Variants in TRPM3 observed in about 807,000 individuals in gnomAD.
The protein encoded by TRPM3 is long transient receptor potential channel 3.
TRPM3 carries 77 observed loss-of-function variants against 181.2 expected under a neutral mutation model. The ratio of observed to expected loss-of-function variants is 0.42; its 90% confidence interval spans 0.35 to 0.51. The LOEUF (loss-of-function observed/expected upper bound fraction) is 0.51, where lower values mean the gene tolerates loss of function less well. TRPM3 is among the 20% of genes least tolerant of loss of function. The pLI, the probability that TRPM3 is intolerant of heterozygous loss-of-function variation, is 0.01. For missense variants in TRPM3, 1,759 were observed against 2,196.7 expected (o/e 0.80, Z 3.98); for synonymous variants, 745 against 796.4 (o/e 0.94, Z 1.09).
chr9:71,150,763 A>C (rs2075692432), intron 1 of TRPM3, among the ~76,000 whole-genome samples: 1 of 152,152 alleles, frequency 6.6e-6, no homozygotes, highest in African/African-American at 2.4e-5. Context: ...GTTTATCTAA[A>C]TCACATGGAA....
chr9:70,616,182 G>T, intron 17 of TRPM3, 107 bp from the exon 18 acceptor site: 1 of 702,390 alleles, frequency 1.4e-6, no homozygotes, highest in Non-Finnish European at 2.2e-6. Flanking sequence ...GAGTGTATGC[G>T]TGTGTGTGTG....
intron 1 of TRPM3, among the ~76,000 whole-genome samples, chr9:71,156,328 C>T (rs2075996289): frequency 6.7e-6 from 1 of 150,264 alleles, no homozygotes; most frequent in Non-Finnish European, 1.5e-5. Flanking sequence ...AATTAGGATA[C>T]CACGAGCACC....
chr9:71,191,076 T>G (rs1272676935), intron 1 of TRPM3, among the ~76,000 whole-genome samples: 3 of 151,840 alleles, frequency 2.0e-5, no homozygotes, highest in Non-Finnish European at 2.9e-5. Context: ...AGCCATTGTC[T>G]TAGATTTAGA....
intron 1 of TRPM3, among the ~76,000 whole-genome samples, chr9:71,149,182 C>T (rs547979329): frequency 2.2e-4 from 33 of 152,092 alleles, no homozygotes; most frequent in Admixed American, 9.2e-4. Flanking sequence ...GGAAGATCAC[C>T]GTAGCCCAGG....
intron 1 of TRPM3, among the ~76,000 whole-genome samples, chr9:71,196,448 T>C (rs2078370255): frequency 6.6e-6 from 1 of 151,976 alleles, no homozygotes; most frequent in Non-Finnish European, 1.5e-5. Context: ...CTGGTCCCTG[T>C]CCATGTGCAT....
intron 6 of TRPM3, among the ~76,000 whole-genome samples, chr9:70,796,740 C>A (rs73461942): frequency 0.013 from 1,947 of 152,282 alleles, 50 homozygotes; most frequent in African/African-American, 0.045. Context: ...GATGTCTAGG[C>A]ATCTCTTTTC....
chr9:70,822,489 A>G (rs1483108680), intron 6 of TRPM3, among the ~76,000 whole-genome samples: 1 of 152,144 alleles, frequency 6.6e-6, no homozygotes. Flanking sequence ...GGTACCTAAA[A>G]TAGGCAAATG....
intron 1 of TRPM3, among the ~76,000 whole-genome samples, chr9:71,154,314 A>G (rs891965460): frequency 6.6e-6 from 1 of 152,146 alleles, no homozygotes; most frequent in African/African-American, 2.4e-5. Context: ...TAAACACCAA[A>G]ACATCACTCA....
chr9:71,125,210 TTTTAC>T (rs1291304834), upstream of TRPM3, among the ~76,000 whole-genome samples: 2 of 151,472 alleles, frequency 1.3e-5, no homozygotes, highest in African/African-American at 2.5e-5. Context: ...AAATATTTTA[TTTTAC>T]TTTAAGTTCC....
At chr9:70,678,005 T>G (rs1449187521) in intron 9 of TRPM3, among the ~76,000 whole-genome samples, 1 of 151,946 alleles carries the variant, frequency 6.6e-6, no homozygotes, top group Non-Finnish European at 1.5e-5. Context: ...GGGACATACT[T>G]ATGTTCAAAA....
At chr9:70,809,996 TC>T (rs1564397665) in intron 6 of TRPM3, 1 of 534,716 alleles carries the variant, frequency 1.9e-6, no homozygotes, top group South Asian at 1.4e-5. Context: ...CAATTGAACG[TC>T]CCTTTGCCTT....
At chr9:70,951,919 T>C (rs1394578079) in intron 1 of TRPM3, among the ~76,000 whole-genome samples, 1 of 152,230 alleles carries the variant, frequency 6.6e-6, no homozygotes, top group Non-Finnish European at 1.5e-5. Flanking sequence ...CAAGGCTGAC[T>C]CTGCCAACAA....
chr9:71,382,619 G>T (rs2092827641), intron 1 of TRPM3, among the ~76,000 whole-genome samples: 1 of 151,660 alleles, frequency 6.6e-6, no homozygotes, highest in South Asian at 2.1e-4. Flanking sequence ...CCTCATATAA[G>T]TGGCATTCTT....
intron 1 of TRPM3, among the ~76,000 whole-genome samples, chr9:70,923,832 A>G (rs201848018): frequency 7.5e-6 from 1 of 133,598 alleles, no homozygotes; most frequent in African/African-American, 2.7e-5. Flanking sequence ...CTCTCTCTAT[A>G]TATATATATA....
At chr9:71,387,150 A>G (rs1049964074) in intron 1 of TRPM3, among the ~76,000 whole-genome samples, 1 of 152,204 alleles carries the variant, frequency 6.6e-6, no homozygotes, top group African/African-American at 2.4e-5. Context: ...TCGATTTTTG[A>G]AAATTTAGAT....
At chr9:70,815,196 C>T (rs2092582567) in intron 6 of TRPM3, among the ~76,000 whole-genome samples, 1 of 151,984 alleles carries the variant, frequency 6.6e-6, no homozygotes, top group Admixed American at 6.6e-5. Context: ...CAAACATACC[C>T]TTGAATATCT....
intron 1 of TRPM3, among the ~76,000 whole-genome samples, chr9:71,248,269 G>C (rs1043696308): frequency 1.3e-5 from 2 of 152,212 alleles, no homozygotes; most frequent in African/African-American, 4.8e-5. Flanking sequence ...ACTATGGATT[G>C]GTTTAGACAG....
chr9:71,335,821 T>G (rs1401287435), intron 1 of TRPM3, among the ~76,000 whole-genome samples: 5 of 152,076 alleles, frequency 3.3e-5, no homozygotes, highest in Non-Finnish European at 7.4e-5. Context: ...ACTTCAATAC[T>G]AAATATCTTT....
intron 1 of TRPM3, among the ~76,000 whole-genome samples, chr9:71,049,868 C>T (rs1472382842): frequency 6.6e-6 from 1 of 152,122 alleles, no homozygotes; most frequent in Non-Finnish European, 1.5e-5. Flanking sequence ...GGCTCAGTTC[C>T]CTCACCTGTG....
Sources: gnomAD v4.1 joint callset for allele counts (sites outside exome capture counted in the v4.1 genomes callset) on GRCh38, gnomAD v4.1.1 for gene constraint, MANE v1.5 for transcripts, NCBI Gene and HGNC (gene_info 2026-07-23, HGNC 2026-07-21) for gene names.